CCDC152: variants seen among roughly 807,000 people sequenced by gnomAD.
The protein encoded by CCDC152 is coiled-coil domain containing 152, also known as coiled-coil domain-containing protein 152.
A neutral mutation model predicts 38.1 loss-of-function variants in CCDC152; 37 were observed. The observed-to-expected ratio is 0.97, with a 90% CI of 0.75 to 1.28. The LOEUF is 1.28. Ranked by LOEUF, CCDC152 falls within the 50% of genes most tolerant of loss-of-function variation. CCDC152 has a pLI of 0.00. For missense variants in CCDC152, 259 were observed against 292.1 expected, an observed-to-expected ratio of 0.89 and a Z score of 0.83; for synonymous variants, 83 against 87.1, an observed-to-expected ratio of 0.95 and a Z score of 0.26.
chr5:42,775,727 GTAT>G (rs1323150086), intron 4 of CCDC152, among the ~76,000 whole-genome samples: 2 of 151,980 alleles, frequency 1.3e-5, no homozygotes, highest in East Asian at 3.8e-4. Flanking sequence ...TAGCAACAAT[GTAT>G]TATTAAGTAA....
intron 6 of CCDC152, among the ~76,000 whole-genome samples, chr5:42,795,558 A>C (rs927520575): frequency 4.6e-5 from 7 of 152,224 alleles, no homozygotes; most frequent in Non-Finnish European, 1.5e-5. Context: ...ATACCCAATA[A>C]ATGCGGAATA....
At chr5:42,794,218 G>T (rs778385680) in intron 6 of CCDC152, among the ~76,000 whole-genome samples, 31 of 152,162 alleles carry the variant, frequency 2.0e-4, no homozygotes, top group Non-Finnish European at 1.3e-4. Flanking sequence ...AGTCAGAAAG[G>T]CCTACAGGTA....
At chr5:42,785,513 T>C (rs1759906613) in intron 6 of CCDC152, among the ~76,000 whole-genome samples, 1 of 151,962 alleles carries the variant, frequency 6.6e-6, no homozygotes, top group Admixed American at 6.6e-5. Context: ...TTTCTAGGTG[T>C]AGAATCTTTT....
chr5:42,779,945 G>A (rs1193995213), intron 5 of CCDC152, among the ~76,000 whole-genome samples: 1 of 151,910 alleles, frequency 6.6e-6, no homozygotes, highest in African/African-American at 2.4e-5. Context: ...CAATACAGGG[G>A]GCATTTCATG....
At position 42,762,492 on chromosome 5, in the gene CCDC152, A is replaced by G; in HGVS notation, c.137A>G (p.Glu46Gly). ...GKNNILDIQL[E>G]KSNCLLKVMQ... The stretch of plus-strand genomic sequence containing the variant: ...AACAATATACTGGATATTCAGTTGG[A>G]AAAAAGTAATTGCCTATTAAAAGTA... Residue 46 changes from glutamate to glycine, a missense_variant, in exon 3 of 9, where the codon GAA becomes GGA. Glu to Gly is a moderately conservative substitution (Grantham distance 98, BLOSUM62 -2). Coordinates refer to ENST00000361970, the MANE Select transcript of CCDC152 (RefSeq NM_001134848.2). 6.5e-7 allele frequency: 1 copy of G among 1,541,270 alleles called. No individual in the cohort carries two copies.
chr5:42,785,886 T>C (rs1759914318), intron 6 of CCDC152, among the ~76,000 whole-genome samples: 2 of 152,134 alleles, frequency 1.3e-5, no homozygotes, highest in Non-Finnish European at 2.9e-5. Flanking sequence ...AATGATAATA[T>C]AGTTTTTGTT....
chr5:42,767,241 T>C (rs998824674), intron 3 of CCDC152, among the ~76,000 whole-genome samples: 1 of 152,098 alleles, frequency 6.6e-6, no homozygotes, highest in Non-Finnish European at 1.5e-5. Flanking sequence ...AAGAATGATA[T>C]ATGGACATTT....
rs150615975 is a variant in CCDC152, at chr5:42,796,287, A to G, written c.431-542A>G. The stretch of plus-strand genomic sequence containing the variant: ...AAAAAAGAAAGCTAGGAAGCCCTTC[A>G]TTGTGGGGCTTGTAGATTGTCTCCT... On this transcript the variant is annotated intron_variant, in intron 6 of 8. Transcript: ENST00000361970. 3.4e-4 allele frequency among the ~76,000 whole-genome samples: 52 copies of G among 151,978 alleles called. No individual in the cohort carries two copies. In the East Asian group the frequency reaches 9.3e-3, roughly 27 times the overall value.
Position 42,783,471 on chromosome 5 carries a change from T to C in CCDC152, c.328-3T>C. On this transcript the variant is annotated splice_region_variant and splice_polypyrimidine_tract_variant and intron_variant, in intron 5 of 8. Coordinates refer to ENST00000361970, the MANE Select transcript of CCDC152 (RefSeq NM_001134848.2). Reference sequence around the variant, plus strand: ...AAAAATTAATATATATTTTAATCTTTAGGAATATAAGAATAATATTGCCAA... The same window carrying C: ...AAAAATTAATATATATTTTAATCTTCAGGAATATAAGAATAATATTGCCAA... 4 of 1,186,902 alleles carry C rather than the reference T, an allele frequency of 3.4e-6. No individual in the cohort carries two copies. Among genetic ancestry groups the C allele is most frequent in the Non-Finnish European group, 3.3e-6 (3 of 921,904 alleles). 73.5% of individuals were successfully genotyped at this position (1,186,902 alleles called of 1,614,324 possible). A position where few individuals can be genotyped will look rare whatever the true frequency, so the allele number is the denominator to read the frequency against.
intron 4 of CCDC152, among the ~76,000 whole-genome samples, chr5:42,776,219 A>G (rs2111558700): frequency 6.6e-6 from 1 of 152,278 alleles, no homozygotes; most frequent in South Asian, 2.1e-4. Flanking sequence ...TTAAATATAA[A>G]GGCACATATA....
rs1052324191 is a variant in CCDC152 at position 42,801,687 on chromosome 5, G to C, written c.*1906G>C. ...ATCCCACCACTTTGGGTGGCCGAGG[G>C]GGGCAGATTACTTGGGCTCAGGAGT... is the stretch of plus-strand genomic sequence containing the variant. On this transcript the variant is annotated 3_prime_UTR_variant, in exon 9 of 9. Coordinates refer to ENST00000361970, the MANE Select transcript of CCDC152 (RefSeq NM_001134848.2). 13 of 275,684 alleles carry C rather than the reference G, an allele frequency of 4.7e-5. No homozygotes were observed. The East Asian group carries it at 7.6e-4, about 16-fold the overall frequency. The allele number at this position is 275,684 out of a possible 1,614,324, so 17.1% of individuals were successfully genotyped here.
At chr5:42,778,442 G>C (rs1186272430) in intron 4 of CCDC152, among the ~76,000 whole-genome samples, 1 of 152,120 alleles carries the variant, frequency 6.6e-6, no homozygotes, top group Non-Finnish European at 1.5e-5. Flanking sequence ...CAGTGATAAG[G>C]ATCATGAAAA....
chr5:42,787,783 T>A (rs1454328598), intron 6 of CCDC152, among the ~76,000 whole-genome samples: 1 of 152,214 alleles, frequency 6.6e-6, no homozygotes, highest in Non-Finnish European at 1.5e-5. Context: ...CTGTTCTTTT[T>A]CATTTTCTAT....
chr5:42,768,251 C>T lies in CCDC152; in HGVS notation c.194-1346C>T, dbSNP rs535400136. Among the ~76,000 whole-genome samples the T allele has an allele frequency of 7.2e-5, 11 of 152,298 alleles. No homozygotes were observed. The South Asian group carries it at 2.3e-3, about 32-fold the overall frequency. On this transcript the variant is annotated intron_variant, in intron 3 of 8. Coordinates refer to ENST00000361970, the MANE Select transcript of CCDC152 (RefSeq NM_001134848.2). ...ATGTTATTTTCATACCAGAGATTCC[C>T]TACTTACCCCTTATCTGCTTCAGCT... is the stretch of plus-strand genomic sequence containing the variant.
chr5:42,797,081 C>A, intron 7 of CCDC152, 125 bp downstream of exon 7: 1 of 661,640 alleles, frequency 1.5e-6, no homozygotes, highest in Non-Finnish European at 2.5e-6. Context: ...GGGCTTCACA[C>A]ATGCTCATTC....
chr5:42,759,175 C>A lies in CCDC152; in HGVS notation c.54C>A (p.Asp18Glu). The stretch of plus-strand genomic sequence containing the variant: ...AAAAGATTAGCAGTGTGAATCTTGA[C>A]AAACTTATAAATGACTTCTCACAGA... ...CMKKISSVNL[D>E]KLINDFSQIE... The change falls in exon 2 of 9, where the codon GAC becomes GAA. Residue 18 changes from aspartate (D) to glutamate (E), a missense_variant. Physicochemically the swap from Asp to Glu is conservative, Grantham distance 45 (BLOSUM62 2). Transcript: ENST00000361970. 6.4e-7 allele frequency: 1 copy of A among 1,550,398 alleles called. No homozygotes were observed. Among genetic ancestry groups the A allele is most frequent in the Non-Finnish European group, 8.7e-7 (1 of 1,146,070 alleles).
intron 7 of CCDC152, among the ~76,000 whole-genome samples, chr5:42,797,323 G>C (rs1278401950): frequency 6.6e-6 from 1 of 152,188 alleles, no homozygotes; most frequent in African/African-American, 2.4e-5. Flanking sequence ...CTAGGTGAGA[G>C]ACAACAGCCT....
intron 6 of CCDC152, among the ~76,000 whole-genome samples, chr5:42,785,994 TC>T (rs1416545787): frequency 4.6e-5 from 7 of 152,072 alleles, no homozygotes; most frequent in Non-Finnish European, 8.8e-5. Flanking sequence ...TGATGAATTA[TC>T]TTTTTGAGGT....
intron 5 of CCDC152, among the ~76,000 whole-genome samples, chr5:42,783,026 C>A (rs972103002): frequency 6.6e-6 from 1 of 151,788 alleles, no homozygotes; most frequent in South Asian, 2.1e-4. Context: ...CCCACCACCA[C>A]GCCCAGCTAA....
Sources: gnomAD v4.1 joint callset for allele counts (sites outside exome capture counted in the v4.1 genomes callset) on GRCh38, gnomAD v4.1.1 for gene constraint, MANE v1.5 for transcripts, NCBI Gene and HGNC (gene_info 2026-07-23, HGNC 2026-07-21) for gene names.